PTPRR: variants seen among roughly 807,000 people sequenced by gnomAD.
The protein encoded by PTPRR is receptor-type tyrosine-protein phosphatase R.
In PTPRR, 38 loss-of-function variants were observed where a neutral mutation model predicts 77.2. That is an observed-to-expected ratio of 0.49 (90% CI 0.38 to 0.65). The LOEUF is 0.65. Among genes scored for constraint, PTPRR ranks in the 30% least tolerant of loss-of-function variants. The probability of loss-of-function intolerance (pLI) is 0.00; values close to 1 mark genes in which losing one functional copy is unlikely to be tolerated. For missense variants in PTPRR, 744 were observed against 799.2 expected (o/e 0.93, Z 0.83); for synonymous variants, 299 against 283.1 (o/e 1.06, Z -0.57).
intron 2 of PTPRR, among the ~76,000 whole-genome samples, chr12:70,778,160 A>G (rs2136993857): frequency 6.6e-6 from 1 of 152,366 alleles, no homozygotes; most frequent in African/African-American, 2.4e-5. Context: ...TTAACAATAA[A>G]TAACAGCTTG....
At chr12:70,904,784 A>G (rs1197883718) in intron 1 of PTPRR, among the ~76,000 whole-genome samples, 1 of 151,928 alleles carries the variant, frequency 6.6e-6, no homozygotes, top group Non-Finnish European at 1.5e-5. Context: ...ATGAATTTAT[A>G]AAAAGTAGTT....
intron 2 of PTPRR, among the ~76,000 whole-genome samples, chr12:70,845,020 G>A (rs1400085952): frequency 6.6e-6 from 1 of 152,170 alleles, no homozygotes; most frequent in East Asian, 1.9e-4. Context: ...TATGTGGGCT[G>A]TTAGAATCAA....
intron 2 of PTPRR, among the ~76,000 whole-genome samples, chr12:70,796,854 C>T (rs1891524571): frequency 6.6e-6 from 1 of 151,640 alleles, no homozygotes; most frequent in African/African-American, 2.4e-5. Flanking sequence ...ATGATGAAAC[C>T]CTGTCTCCAC....
At chr12:70,885,138 A>G (rs1241497448) in intron 2 of PTPRR, among the ~76,000 whole-genome samples, 1 of 152,168 alleles carries the variant, frequency 6.6e-6, no homozygotes, top group Non-Finnish European at 1.5e-5. Context: ...AAGAATTTAT[A>G]AAGAAAGTAG....
intron 2 of PTPRR, among the ~76,000 whole-genome samples, chr12:70,821,264 C>G (rs139203123): frequency 2.2e-5 from 2 of 89,960 alleles, no homozygotes; most frequent in African/African-American, 3.4e-5. Flanking sequence ...TCACTCTGTC[C>G]CCCAGGCTGG....
At chr12:70,778,559 T>C (rs1891137489) in intron 2 of PTPRR, among the ~76,000 whole-genome samples, 1 of 152,256 alleles carries the variant, frequency 6.6e-6, no homozygotes, top group Non-Finnish European at 1.5e-5. Context: ...CATTATTTTA[T>C]GTGCTTATTT....
intron 7 of PTPRR, 114 bp downstream of exon 7, chr12:70,701,023 G>T (rs1888401929): frequency 2.9e-6 from 3 of 1,035,790 alleles, no homozygotes; most frequent in East Asian, 2.4e-5. Flanking sequence ...ATTTCACTTT[G>T]CCATTTGTTT....
At chr12:70,909,041 T>C (rs2137134525) in intron 1 of PTPRR, among the ~76,000 whole-genome samples, 1 of 152,234 alleles carries the variant, frequency 6.6e-6, no homozygotes, top group East Asian at 1.9e-4. Context: ...ATTAGAAACA[T>C]AGTTCCCAAG....
chr12:70,725,424 G>C (rs1251780362), intron 6 of PTPRR, among the ~76,000 whole-genome samples: 1 of 152,080 alleles, frequency 6.6e-6, no homozygotes, highest in Non-Finnish European at 1.5e-5. Flanking sequence ...AATAAATAAA[G>C]CACAATAGAA....
At chr12:70,867,720 C>T (rs1292856855) in intron 2 of PTPRR, among the ~76,000 whole-genome samples, 1 of 152,134 alleles carries the variant, frequency 6.6e-6, no homozygotes, top group Non-Finnish European at 1.5e-5. Context: ...AAAGAGCCCA[C>T]ATCACCAAGT....
At chr12:70,830,726 A>G (rs1369542115) in intron 2 of PTPRR, among the ~76,000 whole-genome samples, 4 of 151,906 alleles carry the variant, frequency 2.6e-5, no homozygotes, top group Non-Finnish European at 5.9e-5. Flanking sequence ...CTGCTGGAGG[A>G]TATCTTTGGG....
chr12:70,878,128 A>C (rs1423531830), intron 2 of PTPRR, among the ~76,000 whole-genome samples: 1 of 152,200 alleles, frequency 6.6e-6, no homozygotes, highest in Non-Finnish European at 1.5e-5. Context: ...TACATGTTAG[A>C]CCTAAAACCA....
At chr12:70,810,373 A>G (rs1891787876) in intron 2 of PTPRR, among the ~76,000 whole-genome samples, 1 of 146,126 alleles carries the variant, frequency 6.8e-6, no homozygotes, top group African/African-American at 2.7e-5. Context: ...TAGTAATATT[A>G]AAAACACTTA....
At chr12:70,905,072 T>TC (rs1348363291) in intron 1 of PTPRR, among the ~76,000 whole-genome samples, 2 of 142,318 alleles carry the variant, frequency 1.4e-5, no homozygotes, top group African/African-American at 5.5e-5. Context: ...TAGACTGAAC[T>TC]CCCCCAGAAG....
At chr12:70,761,430 T>C in intron 4 of PTPRR, 41 bp downstream of exon 4, 2 of 1,500,326 alleles carry the variant, frequency 1.3e-6, no homozygotes, top group Non-Finnish European at 9.0e-7. Context: ...GCATGCTAAC[T>C]GTTCACATTT....
At chr12:70,765,157 C>T (rs1050545609) in intron 2 of PTPRR, among the ~76,000 whole-genome samples, 6 of 152,180 alleles carry the variant, frequency 3.9e-5, no homozygotes, top group South Asian at 2.1e-4. Flanking sequence ...AGACAGTGGG[C>T]GCAGGACAGT....
At chr12:70,886,469 G>C (rs1893241693) in intron 2 of PTPRR, among the ~76,000 whole-genome samples, 1 of 152,112 alleles carries the variant, frequency 6.6e-6, no homozygotes, top group Non-Finnish European at 1.5e-5. Flanking sequence ...ACTGAAAGCT[G>C]TATTTTATTT....
At chr12:70,715,988 G>C (rs1046539349) in intron 6 of PTPRR, among the ~76,000 whole-genome samples, 10 of 152,190 alleles carry the variant, frequency 6.6e-5, no homozygotes, top group Non-Finnish European at 1.0e-4. Flanking sequence ...TTTATGTTTA[G>C]AGATTGCAGT....
chr12:70,672,177 A>C lies in PTPRR; in HGVS notation c.1498-9572T>G, dbSNP rs1245870425. Reference sequence around the variant, plus strand: ...GTGGCAAGAAGAGCCTTGGGTGCCCAGTTGCCAGTCCTACCATGGTTGGAA... The same window carrying C: ...GTGGCAAGAAGAGCCTTGGGTGCCCCGTTGCCAGTCCTACCATGGTTGGAA... On this transcript the variant is annotated intron_variant, in intron 10 of 13. Transcript: ENST00000283228. 1.9e-6 allele frequency: 3 copies of C among 1,539,022 alleles called. No individual in the cohort carries two copies. In the Admixed American group the frequency reaches 5.4e-5, roughly 27 times the overall value.
Sources: allele counts gnomAD v4.1 joint callset (sites outside exome capture counted in the v4.1 genomes callset), GRCh38; gene constraint gnomAD v4.1.1; transcripts MANE v1.5; gene names NCBI Gene and HGNC (gene_info 2026-07-23, HGNC 2026-07-21).